The following CLDN1 variants were observed in gnomAD, a reference collection of about 807,000 sequenced individuals.
CLDN1 encodes claudin 1, also known as claudin-1.
A neutral mutation model predicts 22.6 loss-of-function variants in CLDN1; 12 were observed. The observed-to-expected ratio is 0.53, with a 90% CI of 0.34 to 0.86. The LOEUF (loss-of-function observed/expected upper bound fraction) is 0.86, where lower values mean the gene tolerates loss of function less well. CLDN1 is among the 40% of genes least tolerant of loss of function. CLDN1 has a pLI of 0.02. For synonymous variants in CLDN1, 99 were observed against 103.8 expected (o/e 0.95, Z 0.28); for missense variants, 250 against 269.5 (o/e 0.93, Z 0.51).
intron 1 of CLDN1, among the ~76,000 whole-genome samples, chr3:190,315,444 C>T (rs145966783): frequency 1.2e-4 from 18 of 152,176 alleles, no homozygotes; most frequent in East Asian, 1.2e-3. Context: ...TGCAGAACTT[C>T]GCAAATTAGG....
chr3:190,319,267 G>T (rs1716855255), intron 1 of CLDN1, among the ~76,000 whole-genome samples: 1 of 152,138 alleles, frequency 6.6e-6, no homozygotes, highest in South Asian at 2.1e-4. Context: ...ACTGTATCTG[G>T]CACTTTTTGT....
intron 3 of CLDN1, among the ~76,000 whole-genome samples, chr3:190,308,706 T>C (rs1422998702): frequency 6.6e-6 from 1 of 152,160 alleles, no homozygotes; most frequent in African/African-American, 2.4e-5. Flanking sequence ...CTTTTCCATA[T>C]ATAGGATACT....
Position 190,322,343 on chromosome 3 carries a change from C to A in CLDN1, c.-137G>T. ...AGGCGGGGAGCCCTGCTCGCTGCGC[C>A]GCCGCTGGAGAAGCTCTGGGTCGGG... On this transcript the variant is annotated 5_prime_UTR_variant, in exon 1 of 4. Coordinates refer to ENST00000295522, the MANE Select transcript of CLDN1 (RefSeq NM_021101.5). 2.5e-6 allele frequency: 2 copies of A among 798,418 alleles called. No homozygotes were observed. Among genetic ancestry groups the A allele is most frequent in the East Asian group, 2.7e-5 (1 of 37,396 alleles). 49.5% of individuals were successfully genotyped at this position (798,418 alleles called of 1,614,324 possible).
chr3:190,314,667 G>A (rs147120837), intron 1 of CLDN1, among the ~76,000 whole-genome samples: 1 of 151,930 alleles, frequency 6.6e-6, no homozygotes, highest in Non-Finnish European at 1.5e-5. Context: ...GCCTCCCAAA[G>A]TTCTGGGATT....
intron 1 of CLDN1, among the ~76,000 whole-genome samples, chr3:190,316,052 G>A (rs1401612944): frequency 1.3e-5 from 2 of 152,178 alleles, no homozygotes; most frequent in Non-Finnish European, 2.9e-5. Flanking sequence ...CATCTACAAA[G>A]TGTTCTTTCC....
chr3:190,312,579 A>G (rs1449719658), intron 2 of CLDN1, among the ~76,000 whole-genome samples: 1 of 152,170 alleles, frequency 6.6e-6, no homozygotes, highest in African/African-American at 2.4e-5. Flanking sequence ...AATTACATGA[A>G]CTTCCTCCTT....
In CLDN1 at chr3:190,308,266, T is replaced by C. The variant is rs187348147; in HGVS notation, c.*11A>G. ...TTTGTTTCAACATGATTTTCTCCTTTTGCCTCTGTGTCACACGTAGTCTTT... is the reference window on the plus strand; with the variant it reads ...TTTGTTTCAACATGATTTTCTCCTTCTGCCTCTGTGTCACACGTAGTCTTT... On this transcript the variant is annotated 3_prime_UTR_variant, in exon 4 of 4. Coordinates refer to ENST00000295522, the MANE Select transcript of CLDN1 (RefSeq NM_021101.5). 2.4e-5 allele frequency: 38 copies of C among 1,613,642 alleles called. No homozygotes were observed. Among genetic ancestry groups the C allele is most frequent in the Non-Finnish European group, 5.1e-6 (6 of 1,179,746 alleles).
Position 190,322,046 on chromosome 3 carries a change from C to G in CLDN1, c.161G>C (p.Cys54Ser). 6.2e-7 allele frequency: 1 copy of G among 1,614,208 alleles called. No individual in the cohort carries two copies. The highest frequency in any genetic ancestry group is 8.5e-7 in the Non-Finnish European group (1 of 1,180,034). The change falls in exon 1 of 4, where the codon TGC becomes TCC. Residue 54 changes from cysteine to serine, a missense_variant. Transcript: ENST00000295522. ...QAMYEGLWMS[C>S]VSQSTGQIQC... The stretch of plus-strand genomic sequence containing the variant: ...GATCTGCCCGGTGCTCTGCGACACG[C>G]AGGACATCCACAGCCCCTCGTACAT...
In CLDN1 at chr3:190,312,949, C is replaced by T. The variant is rs969086435; in HGVS notation, c.311G>A (p.Cys104Tyr). 3.1e-6 allele frequency: 5 copies of T among 1,614,088 alleles called. No homozygotes were observed. Among genetic ancestry groups the T allele is most frequent in the African/African-American group, 2.7e-5 (2 of 74,930 alleles). Residue 104 changes from cysteine to tyrosine, a missense_variant, in exon 2 of 4, where the codon TGT (cysteine) becomes TAT (tyrosine). Cys to Tyr is a radical substitution (Grantham distance 194, BLOSUM62 -2). Coordinates refer to ENST00000295522, the MANE Select transcript of CLDN1 (RefSeq NM_021101.5). ...AIFVATVGMK[C>Y]MKCLEDDEVQ... Reference sequence around the variant, plus strand: ...CTCATCGTCTTCCAAGCACTTCATACACTTCATGCCAACGGTGGCCACAAA... The same window carrying T: ...CTCATCGTCTTCCAAGCACTTCATATACTTCATGCCAACGGTGGCCACAAA...
At chr3:190,311,767 G>C (rs1346900861) in intron 2 of CLDN1, among the ~76,000 whole-genome samples, 2 of 151,022 alleles carry the variant, frequency 1.3e-5, no homozygotes, top group East Asian at 3.9e-4. Context: ...TATACACACA[G>C]AGAGATTGCA....
In CLDN1 at chr3:190,308,073, A is replaced by G. The variant is rs983618275; in HGVS notation, c.*204T>C. On this transcript the variant is annotated 3_prime_UTR_variant, in exon 4 of 4. Coordinates refer to ENST00000295522, the MANE Select transcript of CLDN1 (RefSeq NM_021101.5). ...TACAAATGGAAAAATCTTCCCTCCT[A>G]TATTGAGGAAAGAAGATAAAATAAG... The G allele has an allele frequency of 5.2e-6, 3 of 571,838 alleles. No homozygotes were observed. The highest frequency in any genetic ancestry group is 6.1e-6 in the Non-Finnish European group (2 of 326,562). 35.4% of individuals were successfully genotyped at this position (571,838 alleles called of 1,614,324 possible).
chr3:190,320,442 A>G (rs1716889034), intron 1 of CLDN1, among the ~76,000 whole-genome samples: 1 of 152,178 alleles, frequency 6.6e-6, no homozygotes, highest in Non-Finnish European at 1.5e-5. Context: ...CAAATTTTTC[A>G]TTTTATAAGT....
At chr3:190,317,958 T>C (rs780867873) in intron 1 of CLDN1, among the ~76,000 whole-genome samples, 3 of 152,204 alleles carry the variant, frequency 2.0e-5, no homozygotes. Flanking sequence ...GATGATTGGG[T>C]GACTAGAACA....
At chr3:190,313,157 G>A in intron 1 of CLDN1, 121 bp from the exon 2 acceptor site, 1 of 1,124,152 alleles carries the variant, frequency 8.9e-7, no homozygotes, top group Non-Finnish European at 1.3e-6. Flanking sequence ...GGAATCTAGA[G>A]ACCCCAGTCA....
intron 1 of CLDN1, among the ~76,000 whole-genome samples, chr3:190,318,969 C>T (rs9835663): frequency 0.29 from 43,763 of 151,968 alleles, 6,599 homozygotes; most frequent in East Asian, 0.57. Context: ...ATTACAGAAT[C>T]TCAGGGTTCG....
Position 190,308,205 on chromosome 3 carries a change from T to C in CLDN1, c.*72A>G, listed in dbSNP as rs894721788. ...TACAATACCCAAAATTCTAAGGTCC[T>C]AATGTTAATGATAGTATCTCAATGT... On this transcript the variant is annotated 3_prime_UTR_variant, in exon 4 of 4. Transcript: ENST00000295522. 1.0e-5 allele frequency: 16 copies of C among 1,555,566 alleles called. No individual in the cohort carries two copies. Among genetic ancestry groups the C allele is most frequent in the Non-Finnish European group, 1.2e-5 (14 of 1,128,508 alleles).
intron 2 of CLDN1, among the ~76,000 whole-genome samples, chr3:190,310,586 T>C (rs1358248378): frequency 6.6e-6 from 1 of 152,190 alleles, no homozygotes; most frequent in Non-Finnish European, 1.5e-5. Flanking sequence ...CTAAACTACA[T>C]TTGATAAAAC....
chr3:190,314,466 C>G (rs1716710098), intron 1 of CLDN1, among the ~76,000 whole-genome samples: 1 of 152,076 alleles, frequency 6.6e-6, no homozygotes. Context: ...GCGATATGGG[C>G]TCACTGCAAC....
At chr3:190,318,725 C>T (rs369067150) in intron 1 of CLDN1, among the ~76,000 whole-genome samples, 3 of 152,218 alleles carry the variant, frequency 2.0e-5, no homozygotes, top group Non-Finnish European at 4.4e-5. Flanking sequence ...AATGGCCCTT[C>T]GAGTACCCTC....
Sources: allele counts gnomAD v4.1 joint callset (sites outside exome capture counted in the v4.1 genomes callset), GRCh38; gene constraint gnomAD v4.1.1; transcripts MANE v1.5; gene names NCBI Gene and HGNC (gene_info 2026-07-23, HGNC 2026-07-21).